Variants in PCNX1 observed in about 807,000 individuals in gnomAD.
PCNX1 encodes pecanex 1, also known as pecanex-like protein 1.
A neutral mutation model predicts 242.2 loss-of-function variants in PCNX1; 78 were observed. The ratio of observed to expected loss-of-function variants is 0.32; its 90% confidence interval spans 0.27 to 0.39. PCNX1 has a LOEUF of 0.39. PCNX1 is among the 10% of genes least tolerant of loss of function. PCNX1 has a pLI of 1.00. For synonymous variants in PCNX1, 1,024 were observed against 1,032.9 expected (o/e 0.99, Z 0.17); for missense variants, 2,581 against 2,856.5 (o/e 0.90, Z 2.20).
At chr14:70,964,149 C>G (rs941857664) in intron 3 of PCNX1, among the ~76,000 whole-genome samples, 4 of 152,170 alleles carry the variant, frequency 2.6e-5, no homozygotes, top group Non-Finnish European at 4.4e-5. Flanking sequence ...TCACTGCAAC[C>G]TCCATCTCAC....
intron 19 of PCNX1, among the ~76,000 whole-genome samples, chr14:71,042,180 A>ATT: frequency 6.6e-6 from 1 of 152,154 alleles, no homozygotes; most frequent in Non-Finnish European, 1.5e-5. Context: ...AATGTCTGCT[A>ATT]GGTCCATTTG....
intron 20 of PCNX1, among the ~76,000 whole-genome samples, chr14:71,045,844 G>A (rs988087045): frequency 6.6e-6 from 1 of 152,108 alleles, no homozygotes; most frequent in African/African-American, 2.4e-5. Context: ...TGGAAAAGAG[G>A]CTAGTTCACT....
At chr14:71,104,349 G>T (rs535604314) in intron 32 of PCNX1, among the ~76,000 whole-genome samples, 1 of 151,920 alleles carries the variant, frequency 6.6e-6, no homozygotes, top group African/African-American at 2.4e-5. Flanking sequence ...TTCAATCTCC[G>T]CCCAAACAGA....
intron 1 of PCNX1, among the ~76,000 whole-genome samples, chr14:70,926,635 T>G (rs1277308244): frequency 2.0e-5 from 3 of 152,104 alleles, no homozygotes; most frequent in African/African-American, 7.2e-5. Flanking sequence ...CAAAGGATTG[T>G]CTGGCTTTAA....
At chr14:71,095,139 G>A (rs2062240633) in intron 30 of PCNX1, among the ~76,000 whole-genome samples, 1 of 152,012 alleles carries the variant, frequency 6.6e-6, no homozygotes, top group Non-Finnish European at 1.5e-5. Flanking sequence ...AATTGCTTTT[G>A]TAAAATATCT....
intron 26 of PCNX1, among the ~76,000 whole-genome samples, chr14:71,065,498 A>G (rs2061424272): frequency 6.6e-6 from 1 of 151,908 alleles, no homozygotes; most frequent in South Asian, 2.1e-4. Context: ...TGTTTAAGTT[A>G]TTTGTAGAGT....
At chr14:70,928,239 A>G (rs2056663475) in intron 1 of PCNX1, among the ~76,000 whole-genome samples, 1 of 152,192 alleles carries the variant, frequency 6.6e-6, no homozygotes, top group Non-Finnish European at 1.5e-5. Context: ...CATTAAATGT[A>G]TCCTGAACTG....
chr14:70,921,816 C>G (rs2056387953), intron 1 of PCNX1, among the ~76,000 whole-genome samples: 1 of 152,252 alleles, frequency 6.6e-6, no homozygotes, highest in East Asian at 1.9e-4. Flanking sequence ...CATACTCTGT[C>G]TCTCTTACAC....
chr14:70,976,982 T>C lies in PCNX1; in HGVS notation c.645T>C (p.Asn215=). 6.2e-7 allele frequency: 1 copy of C among 1,614,038 alleles called. No individual in the cohort carries two copies. Among genetic ancestry groups the C allele is most frequent in the Non-Finnish European group, 8.5e-7 (1 of 1,179,898 alleles). The change falls in exon 6 of 36, where the codon AAT becomes AAC. Residue 215 remains asparagine, a synonymous_variant. Coordinates refer to ENST00000304743, the MANE Select transcript of PCNX1 (RefSeq NM_014982.3). ...GGAAGCTCTTTCGTCTTGTCTCCAA[T>C]GACTCCTTCATCTCTATTCAGCCTT... The part of the protein sequence containing the change: ...ADRKLFRLVS[N]DSFISIQPSL...
Position 71,057,666 on chromosome 14 carries a change from C to G in PCNX1, c.4794C>G (p.His1598Gln). 1 of 1,613,918 alleles carries G rather than the reference C, an allele frequency of 6.2e-7. No homozygotes were observed. Among genetic ancestry groups the G allele is most frequent in the South Asian group, 1.1e-5 (1 of 91,078 alleles). The change falls in exon 26 of 36, where the codon CAC (histidine) becomes CAG (glutamine). Residue 1598 changes from histidine (H) to glutamine (Q), a missense_variant. Transcript: ENST00000304743. ...CTGACTATCTCAATGCATTAGTACA[C>G]CTTATAGAGATAGGCAATGGTCTGG... ...LASDYLNALVHLIEIGNGLVT... is the reference protein window; with the variant it reads ...LASDYLNALVQLIEIGNGLVT...
At chr14:71,000,707 G>A (rs996325523) in intron 8 of PCNX1, among the ~76,000 whole-genome samples, 1 of 151,592 alleles carries the variant, frequency 6.6e-6, no homozygotes, top group Admixed American at 6.6e-5. Flanking sequence ...TGTATTTTTA[G>A]TAGAGATGGG....
At chr14:71,066,382 A>G (rs2061447618) in intron 26 of PCNX1, among the ~76,000 whole-genome samples, 1 of 152,110 alleles carries the variant, frequency 6.6e-6, no homozygotes, top group East Asian at 1.9e-4. Context: ...GCAGTTGTGA[A>G]TGGGAGTTCA....
chr14:70,911,223 G>C (rs946953353), intron 1 of PCNX1, among the ~76,000 whole-genome samples: 3 of 152,112 alleles, frequency 2.0e-5, no homozygotes, highest in Admixed American at 1.3e-4. Flanking sequence ...TTGTGAGCTG[G>C]GATTTACACA....
chr14:70,998,290 A>ATCATG (rs2059409594), intron 8 of PCNX1, among the ~76,000 whole-genome samples: 2 of 152,224 alleles, frequency 1.3e-5, no homozygotes, highest in African/African-American at 4.8e-5. Context: ...TAAGGTTACC[A>ATCATG]GAGAACATCA....
At chr14:70,909,029 G>C (rs1412268792) in intron 1 of PCNX1, among the ~76,000 whole-genome samples, 2 of 152,180 alleles carry the variant, frequency 1.3e-5, no homozygotes, top group African/African-American at 4.8e-5. Context: ...GAATTCCTTT[G>C]AATGTATTTC....
At chr14:70,935,878 A>G (rs1333642854) in intron 1 of PCNX1, among the ~76,000 whole-genome samples, 1 of 152,212 alleles carries the variant, frequency 6.6e-6, no homozygotes, top group African/African-American at 2.4e-5. Context: ...CTGTCTGGAA[A>G]TGAAGGTATT....
rs573157478 is a variant in PCNX1 at position 70,939,096 on chromosome 14, A to AT, written c.154-7811dup. ...AAAAATCCAGCTCCTGGATTCATTG[A>AT]TTTTTTTTGAAGGGTTTTTTGTGTC... On this transcript the variant is annotated intron_variant, in intron 1 of 35. Transcript: ENST00000304743. Among the ~76,000 whole-genome samples the AT allele has an allele frequency of 3.0e-3, 459 of 151,862 alleles. 4 individuals are homozygous for AT. The highest frequency in any genetic ancestry group is 0.01 in the African/African-American group (432 of 41,396).
At chr14:70,918,369 T>C (rs1843080890) in intron 1 of PCNX1, among the ~76,000 whole-genome samples, 1 of 152,220 alleles carries the variant, frequency 6.6e-6, no homozygotes, top group African/African-American at 2.4e-5. Context: ...GAACACTCTT[T>C]ACTATCGTCT....
intron 1 of PCNX1, among the ~76,000 whole-genome samples, chr14:70,930,333 C>T (rs903821713): frequency 6.6e-6 from 1 of 152,156 alleles, no homozygotes; most frequent in Non-Finnish European, 1.5e-5. Flanking sequence ...AGCTGCTCAT[C>T]TCTAACTCCT....
Sources: allele counts gnomAD v4.1 joint callset (sites outside exome capture counted in the v4.1 genomes callset), GRCh38; gene constraint gnomAD v4.1.1; transcripts MANE v1.5; gene names NCBI Gene and HGNC (gene_info 2026-07-23, HGNC 2026-07-21).